The following COL13A1 variants were observed in gnomAD, a reference collection of about 807,000 sequenced individuals.
COL13A1 encodes the protein collagen type XIII alpha 1 chain, also known as collagen alpha-1(XIII) chain.
In COL13A1, 89 loss-of-function variants were observed where a neutral mutation model predicts 130.9. The ratio of observed to expected loss-of-function variants is 0.68; its 90% CI spans 0.57 to 0.81. COL13A1 has a LOEUF of 0.81. Ranked by LOEUF, COL13A1 falls within the 30% of genes least tolerant of loss-of-function variation. COL13A1 has a pLI of 0.00. For synonymous variants in COL13A1, 402 were observed against 341.6 expected, an observed-to-expected ratio of 1.18 and a Z score of -1.95; for missense variants, 879 against 934.6, an observed-to-expected ratio of 0.94 and a Z score of 0.78.
intron 4 of COL13A1, 55 bp from the exon 5 acceptor site, chr10:69,875,073 A>G: frequency 3.7e-6 from 6 of 1,612,908 alleles, no homozygotes; most frequent in Non-Finnish European, 5.1e-6. Flanking sequence ...AGGGTCCTTC[A>G]CATGCTAGCC....
chr10:69,833,199 C>A (rs1849226597), intron 2 of COL13A1, among the ~76,000 whole-genome samples: 1 of 152,212 alleles, frequency 6.6e-6, no homozygotes, highest in Non-Finnish European at 1.5e-5. Context: ...CCATCAGAAG[C>A]CTTTCCCTTA....
intron 34 of COL13A1, among the ~76,000 whole-genome samples, chr10:69,939,408 AAT>A (rs1238627635): frequency 6.6e-6 from 1 of 152,242 alleles, no homozygotes; most frequent in African/African-American, 2.4e-5. Flanking sequence ...GACCATAAAA[AAT>A]ATGTCAGTGG....
intron 35 of COL13A1, among the ~76,000 whole-genome samples, chr10:69,942,003 G>C (rs2067707074): frequency 6.6e-6 from 1 of 152,202 alleles, no homozygotes; most frequent in Non-Finnish European, 1.5e-5. Flanking sequence ...TTAGCTGGCT[G>C]GAGCCACCCT....
rs948124697 is a variant in COL13A1 at position 69,915,557 on chromosome 10, G to A, written c.922-1732G>A. 2.6e-5 allele frequency among the ~76,000 whole-genome samples: 4 copies of A among 152,182 alleles called. No homozygotes were observed. In the South Asian group the frequency reaches 6.2e-4, roughly 24 times the overall value. On this transcript the variant is annotated intron_variant, in intron 17 of 40. Coordinates refer to ENST00000645393, the MANE Select transcript of COL13A1 (RefSeq NM_001368882.1). ...TTACAAACGCTAAGTGGTCCCTGTC[G>A]CATTGAGGATGCAGCGCTGAGTTAT...
At chr10:69,944,083 G>T in intron 35 of COL13A1, 42 bp from the exon 36 acceptor site, 1 of 1,562,882 alleles carries the variant, frequency 6.4e-7, no homozygotes. Context: ...GGGCTCCCCA[G>T]AGTGTGGGGA....
chr10:69,886,502 C>T (rs1054385525), intron 7 of COL13A1, among the ~76,000 whole-genome samples: 4 of 152,100 alleles, frequency 2.6e-5, no homozygotes, highest in African/African-American at 9.7e-5. Flanking sequence ...TGGTGGTGAA[C>T]GGCGGGTGAG....
chr10:69,942,052 C>T (rs1415111490), intron 35 of COL13A1, among the ~76,000 whole-genome samples: 4 of 152,190 alleles, frequency 2.6e-5, no homozygotes, highest in African/African-American at 9.7e-5. Context: ...ATGTGTGCAG[C>T]GTAGGGGACA....
intron 1 of COL13A1, among the ~76,000 whole-genome samples, chr10:69,805,537 T>C (rs1325276141): frequency 6.6e-6 from 1 of 152,226 alleles, no homozygotes; most frequent in East Asian, 1.9e-4. Context: ...TAAAATTAAA[T>C]AAAATTTAAA....
At position 69,932,565 on chromosome 10, in the gene COL13A1, G is replaced by T. The variant is rs1294173045; in HGVS notation, c.1689G>T (p.Glu563Asp). Residue 563 changes from glutamate (E) to aspartate (D), a missense_variant, in exon 31 of 41, where the codon GAG (glutamate) becomes GAT (aspartate). Physicochemically the swap from Glu to Asp is conservative, Grantham distance 45 (BLOSUM62 2). Transcript: ENST00000645393. ...GETGQAGSPG[E>D]KGEAGEKGNP... ...GTGGTGTTTTGTGCCCACAGGGAGA[G>T]AAAGGAGAAGCCGGGGAGAAGGGCA... The T allele has an allele frequency of 6.2e-7, 1 of 1,611,962 alleles. No homozygotes were observed.
chr10:69,852,425 T>C (rs960610556), intron 2 of COL13A1, among the ~76,000 whole-genome samples: 1 of 152,274 alleles, frequency 6.6e-6, no homozygotes, highest in Admixed American at 6.5e-5. Flanking sequence ...AGAAAAGTGC[T>C]GCTTTGTCCC....
chr10:69,916,203 T>G (rs2063897676), intron 17 of COL13A1, among the ~76,000 whole-genome samples: 1 of 152,210 alleles, frequency 6.6e-6, no homozygotes, highest in Non-Finnish European at 1.5e-5. Context: ...CCTCTGCCTT[T>G]AAGCCTATGG....
chr10:69,880,499 G>A lies in COL13A1; in HGVS notation c.463-4G>A, dbSNP rs2395272. The A allele has an allele frequency of 0.17, 268,884 of 1,603,484 alleles. 27,850 individuals are homozygous for A. Among genetic ancestry groups the A allele is most frequent in the East Asian group, 0.47 (21,162 of 44,690 alleles). On this transcript the variant is annotated splice_region_variant and splice_polypyrimidine_tract_variant and intron_variant, in intron 6 of 40. Coordinates refer to ENST00000645393, the MANE Select transcript of COL13A1 (RefSeq NM_001368882.1). ...TCCCTCTCCCCCTTCCTCTCTCCCC[G>A]CAGGGGTCCCCCGGAGACGCTGGGC... is the stretch of plus-strand genomic sequence containing the variant.
chr10:69,944,688 A>C (rs1180480296), intron 36 of COL13A1, among the ~76,000 whole-genome samples: 1 of 150,498 alleles, frequency 6.6e-6, no homozygotes, highest in Non-Finnish European at 1.5e-5. Context: ...AAGAAAAAGA[A>C]AGAAAGAAAG....
At chr10:69,940,742 G>A (rs936019115) in intron 34 of COL13A1, among the ~76,000 whole-genome samples, 15 of 152,270 alleles carry the variant, frequency 9.9e-5, no homozygotes, top group East Asian at 1.9e-4. Context: ...GGCCATCTGC[G>A]CCGACCTCCA....
chr10:69,806,793 G>C (rs902779142), intron 1 of COL13A1, among the ~76,000 whole-genome samples: 9 of 152,172 alleles, frequency 5.9e-5, no homozygotes, highest in African/African-American at 2.2e-4. Context: ...GATCACCTGA[G>C]GTCAGGAATT....
intron 1 of COL13A1, among the ~76,000 whole-genome samples, chr10:69,804,707 C>A (rs1313775903): frequency 6.8e-6 from 1 of 146,680 alleles, no homozygotes; most frequent in Non-Finnish European, 1.5e-5. Context: ...TACTGAGAGC[C>A]TGCTGCGGGT....
intron 2 of COL13A1, among the ~76,000 whole-genome samples, chr10:69,838,500 C>T (rs781652455): frequency 6.6e-6 from 1 of 152,206 alleles, no homozygotes; most frequent in Admixed American, 6.5e-5. Flanking sequence ...TGGTACAGTA[C>T]CTGGCATGGG....
intron 21 of COL13A1, among the ~76,000 whole-genome samples, chr10:69,921,380 T>G (rs71480620): frequency 0.19 from 28,306 of 152,188 alleles, 3,098 homozygotes; most frequent in South Asian, 0.29. Context: ...CTCATTACAT[T>G]TGCAATGACC....
intron 28 of COL13A1, among the ~76,000 whole-genome samples, chr10:69,929,337 A>C (rs2065805046): frequency 1.3e-5 from 2 of 148,948 alleles, no homozygotes; most frequent in African/African-American, 2.5e-5. Flanking sequence ...CTCCCACCTC[A>C]CTCCCTGCCC....
Sources: allele counts gnomAD v4.1 joint callset (sites outside exome capture counted in the v4.1 genomes callset), GRCh38; gene constraint gnomAD v4.1.1; transcripts MANE v1.5; gene names NCBI Gene and HGNC (gene_info 2026-07-23, HGNC 2026-07-21).